GPR137B: variants seen among roughly 807,000 people sequenced by gnomAD.
GPR137B encodes integral membrane protein GPR137B.
GPR137B carries 42 observed loss-of-function variants against 42.5 expected under a neutral mutation model. The observed-to-expected ratio is 0.99, with a 90% CI of 0.77 to 1.28. The LOEUF is 1.28. Among genes scored for constraint, GPR137B ranks in the 50% most tolerant of loss-of-function variants. The pLI, the probability that GPR137B is intolerant of heterozygous loss-of-function variation, is 0.00. For synonymous variants in GPR137B, 218 were observed against 209.7 expected (o/e 1.04, Z -0.34); for missense variants, 487 against 493.9 (o/e 0.99, Z 0.13).
At chr1:236,159,920 G>A (rs996131328) in intron 1 of GPR137B, among the ~76,000 whole-genome samples, 9 of 152,192 alleles carry the variant, frequency 5.9e-5, no homozygotes, top group Non-Finnish European at 7.3e-5. Context: ...GAGGGCTCTC[G>A]AACATTCCCC....
In GPR137B at chr1:236,208,214, A is replaced by C; in HGVS notation, c.*56A>C. On this transcript the variant is annotated 3_prime_UTR_variant, in exon 7 of 7. Coordinates refer to ENST00000366592, the MANE Select transcript of GPR137B (RefSeq NM_003272.4). Reference sequence around the variant, plus strand: ...CAGATGAAAAGCTTCAGAAAAGCATAGTGACAGCTGAATTTTTAGGGCACT... The same window carrying C: ...CAGATGAAAAGCTTCAGAAAAGCATCGTGACAGCTGAATTTTTAGGGCACT... The C allele has an allele frequency of 6.3e-7, 1 of 1,578,626 alleles. No homozygotes were observed. Among genetic ancestry groups the C allele is most frequent in the Non-Finnish European group, 8.6e-7 (1 of 1,164,222 alleles).
intron 5 of GPR137B, among the ~76,000 whole-genome samples, chr1:236,185,400 C>T (rs1662992569): frequency 6.6e-6 from 1 of 152,152 alleles, no homozygotes; most frequent in Admixed American, 6.5e-5. Flanking sequence ...GGCTCTTTAC[C>T]ATCTGTATCC....
At chr1:236,181,869 A>G (rs1161396130) in intron 4 of GPR137B, among the ~76,000 whole-genome samples, 1 of 147,830 alleles carries the variant, frequency 6.8e-6, no homozygotes, top group Non-Finnish European at 1.5e-5. Flanking sequence ...TTTGTATTGT[A>G]GTAAAATACA....
rs1000926165 is a variant in GPR137B, at chr1:236,155,512, C to G, written c.414+12476C>G. Among the ~76,000 whole-genome samples, 1 of 152,076 alleles carries G rather than the reference C, an allele frequency of 6.6e-6. No homozygotes were observed. The highest frequency in any genetic ancestry group is 2.4e-5 in the African/African-American group (1 of 41,406). On this transcript the variant is annotated intron_variant, in intron 1 of 6. Coordinates refer to ENST00000366592, the MANE Select transcript of GPR137B (RefSeq NM_003272.4). This position sits in a 1 kb window ranked among gnomAD's most constrained non-coding sequence, Gnocchi z 4.6. The stretch of plus-strand genomic sequence containing the variant: ...GTGGCTTTAGGTTGACTTGGAGAGC[C>G]GCAAAGGGTGTGGGTGGGAGGTGTG...
chr1:236,156,832 G>A lies in GPR137B; in HGVS notation c.415-11874G>A, dbSNP rs1662045085. On this transcript the variant is annotated intron_variant, in intron 1 of 6. Transcript: ENST00000366592. This position sits in a 1 kb window ranked among gnomAD's most constrained non-coding sequence, Gnocchi z 4.8. ...TATCAGGAAGTGGGTAGCGCAGAGG[G>A]ACCAGGAGAGCAAATATCGAATGCG... Among the ~76,000 whole-genome samples, 1 of 152,182 alleles carries A rather than the reference G, an allele frequency of 6.6e-6. No individual in the cohort carries two copies. The highest frequency in any genetic ancestry group is 1.5e-5 in the Non-Finnish European group (1 of 68,030).
At chr1:236,188,230 AGT>A (rs1663089189) in intron 5 of GPR137B, among the ~76,000 whole-genome samples, 1 of 152,172 alleles carries the variant, frequency 6.6e-6, no homozygotes, top group Admixed American at 6.5e-5. Context: ...GGGCTGAGAC[AGT>A]GGGGTTTTCT....
chr1:236,170,703 C>T (rs907418427), intron 2 of GPR137B, among the ~76,000 whole-genome samples: 11 of 152,160 alleles, frequency 7.2e-5, no homozygotes, highest in South Asian at 2.1e-4. Context: ...AGGCCGGGCA[C>T]GGTGGCTCAC....
intron 2 of GPR137B, among the ~76,000 whole-genome samples, chr1:236,176,607 A>G (rs1662693543): frequency 6.6e-6 from 1 of 152,130 alleles, no homozygotes; most frequent in Non-Finnish European, 1.5e-5. Context: ...CTCCCCAGAA[A>G]GTTGTTTAAT....
intron 1 of GPR137B, among the ~76,000 whole-genome samples, chr1:236,165,708 A>G (rs1662330837): frequency 6.6e-6 from 1 of 152,238 alleles, no homozygotes; most frequent in South Asian, 2.1e-4. Context: ...ATAGATTTGG[A>G]AAACCGCTGT....
At chr1:236,148,425 T>A (rs945104633) in intron 1 of GPR137B, among the ~76,000 whole-genome samples, 22 of 152,146 alleles carry the variant, frequency 1.4e-4, no homozygotes, top group African/African-American at 3.4e-4. Context: ...TTTGGCAGGA[T>A]GGAACAGGCT....
chr1:236,152,460 C>CA (rs1245577103), intron 1 of GPR137B, among the ~76,000 whole-genome samples: 1 of 151,634 alleles, frequency 6.6e-6, no homozygotes, highest in Non-Finnish European at 1.5e-5. Flanking sequence ...AGACCTGTCT[C>CA]AAAAAAATGT....
chr1:236,144,409 CAAAAA>C (rs139806548), intron 1 of GPR137B, among the ~76,000 whole-genome samples: 27,259 of 151,140 alleles, frequency 0.18, 2,807 homozygotes, highest in African/African-American at 0.28. Flanking sequence ...GATCCTGTCT[CAAAAA>C]AACAAACGAA....
intron 5 of GPR137B, among the ~76,000 whole-genome samples, chr1:236,192,376 G>GAA (rs767500488): frequency 2.2e-5 from 3 of 139,512 alleles, no homozygotes; most frequent in Non-Finnish European, 3.1e-5. Flanking sequence ...GGGGTATGGG[G>GAA]AAAAAAAAAA....
chr1:236,183,284 C>G (rs958843374), intron 4 of GPR137B, among the ~76,000 whole-genome samples: 6 of 152,190 alleles, frequency 3.9e-5, no homozygotes, highest in African/African-American at 1.4e-4. Context: ...AAGTTGACCT[C>G]TTTATCCTAG....
At chr1:236,187,202 TTTAAG>T (rs1190229489) in intron 5 of GPR137B, among the ~76,000 whole-genome samples, 1 of 152,166 alleles carries the variant, frequency 6.6e-6, no homozygotes, top group Admixed American at 6.5e-5. Flanking sequence ...TTCCTGTAAA[TTTAAG>T]TTCTTTGTAG....
intron 1 of GPR137B, among the ~76,000 whole-genome samples, chr1:236,160,269 T>C (rs553740712): frequency 2.6e-5 from 4 of 152,270 alleles, no homozygotes; most frequent in Admixed American, 1.3e-4. Context: ...GGTGTTTTCA[T>C]AGGCTGTGTG....
At chr1:236,207,315 T>C (rs757483576) in intron 6 of GPR137B, 308 of 979,974 alleles carry the variant, frequency 3.1e-4, no homozygotes, top group Non-Finnish European at 3.4e-4. Flanking sequence ...CAAGAAGGAC[T>C]TCTTGAAGTC....
intron 6 of GPR137B, among the ~76,000 whole-genome samples, chr1:236,207,625 T>C (rs1292364629): frequency 6.6e-6 from 1 of 152,238 alleles, no homozygotes; most frequent in Admixed American, 6.5e-5. Context: ...ACTTTACAGA[T>C]GTTAACTCAG....
chr1:236,192,141 C>T (rs553309411), intron 5 of GPR137B, among the ~76,000 whole-genome samples: 5 of 152,298 alleles, frequency 3.3e-5, no homozygotes, highest in East Asian at 1.9e-4. Flanking sequence ...ACCACCTACT[C>T]AAGCCTCAGC....
Sources: gnomAD v4.1 joint callset for allele counts (sites outside exome capture counted in the v4.1 genomes callset) on GRCh38, gnomAD v4.1.1 for gene constraint, Gnocchi (gnomAD v3.1) non-coding constraint, MANE v1.5 for transcripts, NCBI Gene and HGNC (gene_info 2026-07-23, HGNC 2026-07-21) for gene names.